The following RIMS2 variants were observed in gnomAD, a reference collection of about 807,000 sequenced individuals.
RIMS2 encodes regulating synaptic membrane exocytosis 2, also known as regulating synaptic membrane exocytosis protein 2.
RIMS2 carries 59 observed loss-of-function variants against 174.4 expected under a neutral mutation model. The ratio of observed to expected loss-of-function variants is 0.34; its 90% CI spans 0.27 to 0.42. RIMS2 has a LOEUF of 0.42. Ranked by LOEUF, RIMS2 falls within the 10% of genes least tolerant of loss-of-function variation. RIMS2 has a pLI of 1.00. For synonymous variants in RIMS2, 606 were observed against 572.5 expected (o/e 1.06, Z -0.84); for missense variants, 1,620 against 1,666.3 (o/e 0.97, Z 0.48).
rs192830679 is a variant in RIMS2 at position 103,907,627 on chromosome 8, A to C, written c.1625-2507A>C. On this transcript the variant is annotated intron_variant, in intron 4 of 23. Transcript: ENST00000504942. ...TCAGTTTGGATTCTCTTCATACCTT[A>C]TTTTACCCTCTATTTCTAAATGATC... 2.0e-3 allele frequency among the ~76,000 whole-genome samples: 303 copies of C among 151,148 alleles called. 2 individuals are homozygous for C. Among genetic ancestry groups the C allele is most frequent in the African/African-American group, 6.8e-3 (281 of 41,172 alleles).
chr8:103,789,906 C>T (rs922454479), intron 3 of RIMS2, among the ~76,000 whole-genome samples: 16 of 151,986 alleles, frequency 1.1e-4, no homozygotes, highest in African/African-American at 3.9e-4. Flanking sequence ...GTGTGTGCTA[C>T]CATGTCCAGA....
At chr8:103,573,711 A>G (rs901016277) in intron 1 of RIMS2, among the ~76,000 whole-genome samples, 1 of 152,134 alleles carries the variant, frequency 6.6e-6, no homozygotes, top group Admixed American at 6.5e-5. Context: ...TTTTGGATCC[A>G]TATGAATTTT....
intron 16 of RIMS2, among the ~76,000 whole-genome samples, chr8:103,986,321 T>G (rs2094359071): frequency 1.3e-5 from 2 of 151,876 alleles, no homozygotes; most frequent in South Asian, 4.1e-4. Flanking sequence ...ATGGAATTAA[T>G]AAAGATTAGG....
chr8:103,983,087 T>TCA (rs1321961263), intron 16 of RIMS2, among the ~76,000 whole-genome samples: 1 of 152,200 alleles, frequency 6.6e-6, no homozygotes, highest in East Asian at 1.9e-4. Context: ...CAGTAGCATT[T>TCA]CTATATGGCA....
At chr8:104,223,917 G>T (rs1296828867) in intron 19 of RIMS2, 3 of 770,340 alleles carry the variant, frequency 3.9e-6, no homozygotes, top group African/African-American at 1.8e-5. Context: ...CTCCGGGACT[G>T]TGCCGGGGGC....
intron 19 of RIMS2, among the ~76,000 whole-genome samples, chr8:104,226,212 C>G (rs1273923664): frequency 6.6e-6 from 1 of 152,172 alleles, no homozygotes; most frequent in Non-Finnish European, 1.5e-5. Context: ...GATCTACTAA[C>G]CAGTATGATT....
intron 19 of RIMS2, among the ~76,000 whole-genome samples, chr8:104,077,805 A>G (rs887655356): frequency 6.6e-6 from 1 of 151,176 alleles, no homozygotes; most frequent in African/African-American, 2.4e-5. Flanking sequence ...AGAAATTCTC[A>G]TCTATTTCTT....
At chr8:104,119,343 G>A (rs1455045115) in intron 19 of RIMS2, among the ~76,000 whole-genome samples, 1 of 151,802 alleles carries the variant, frequency 6.6e-6, no homozygotes, top group African/African-American at 2.4e-5. Context: ...TCTGGCAAGT[G>A]AGCAAGACTC....
Position 104,247,040 on chromosome 8 carries a change from G to C in RIMS2, c.3477-1661G>C, listed in dbSNP as rs1451299358. Among the ~76,000 whole-genome samples, 3 of 152,044 alleles carry C rather than the reference G, an allele frequency of 2.0e-5. No individual in the cohort carries two copies. The East Asian group carries it at 5.8e-4, about 29-fold the overall frequency. On this transcript the variant is annotated intron_variant, in intron 20 of 23. Transcript: ENST00000504942. ...GACAGCAAGGGCAGCAACAGGGAGA[G>C]CATTCACAAGGCTGCTACAGGAATA...
Position 103,953,146 on chromosome 8 carries a change from C to T in RIMS2, c.2702-7919C>T, listed in dbSNP as rs191788411. 2.6e-3 allele frequency among the ~76,000 whole-genome samples: 389 copies of T among 152,248 alleles called. 2 individuals carry two copies. The highest frequency in any genetic ancestry group is 3.7e-3 in the Non-Finnish European group (254 of 68,018). On this transcript the variant is annotated intron_variant, in intron 14 of 23. Coordinates refer to ENST00000504942, the Ensembl canonical transcript of RIMS2. The stretch of plus-strand genomic sequence containing the variant: ...GTTTGATTGGTGTACCTGAAAGTGA[C>T]GGGAGAACAGAACCAAGTTGGAAAA...
At chr8:103,693,773 CTCTGTTGTGGGCCGAT>C (rs2097061565) in intron 1 of RIMS2, among the ~76,000 whole-genome samples, 2 of 152,228 alleles carry the variant, frequency 1.3e-5, no homozygotes, top group South Asian at 4.1e-4. Flanking sequence ...ATCCTGGAGC[CTCTGTTGTGGGCCGAT>C]TCATTTGGTC....
At chr8:104,142,455 T>A (rs1566655030) in intron 19 of RIMS2, among the ~76,000 whole-genome samples, 2 of 152,132 alleles carry the variant, frequency 1.3e-5, no homozygotes, top group African/African-American at 4.8e-5. Flanking sequence ...TAAATAAGAA[T>A]GTCCAAATCC....
intron 16 of RIMS2, among the ~76,000 whole-genome samples, chr8:103,984,141 TC>T (rs2094161147): frequency 6.6e-6 from 1 of 151,368 alleles, no homozygotes; most frequent in Non-Finnish European, 1.5e-5. Flanking sequence ...GCCACTGCAC[TC>T]CAGCCTGGGC....
intron 3 of RIMS2, among the ~76,000 whole-genome samples, chr8:103,782,940 C>T (rs1003636650): frequency 6.6e-6 from 1 of 152,154 alleles, no homozygotes; most frequent in Non-Finnish European, 1.5e-5. Context: ...TGAATGACCA[C>T]AAACTTAGAG....
At chr8:103,711,275 C>T (rs2097300163) in intron 2 of RIMS2, among the ~76,000 whole-genome samples, 1 of 152,138 alleles carries the variant, frequency 6.6e-6, no homozygotes, top group Non-Finnish European at 1.5e-5. Context: ...AATGTGTTGT[C>T]CTCAGGGAGA....
At chr8:103,508,335 C>A (rs768024096) in intron 1 of RIMS2, among the ~76,000 whole-genome samples, 5 of 151,848 alleles carry the variant, frequency 3.3e-5, no homozygotes, top group African/African-American at 7.3e-5. Context: ...TGATTCAGTC[C>A]TGGGAAGATG....
intron 1 of RIMS2, among the ~76,000 whole-genome samples, chr8:103,639,722 T>C (rs75561917): frequency 0.011 from 1,744 of 152,082 alleles, 43 homozygotes; most frequent in African/African-American, 0.04. Flanking sequence ...TTCAGTTTTC[T>C]GAGATTATGA....
chr8:103,588,725 G>A (rs998423089), intron 1 of RIMS2, among the ~76,000 whole-genome samples: 4 of 151,882 alleles, frequency 2.6e-5, no homozygotes, highest in Non-Finnish European at 4.4e-5. Flanking sequence ...AATAAAACTA[G>A]ACCCCTGTGT....
intron 3 of RIMS2, among the ~76,000 whole-genome samples, chr8:103,788,731 TG>T (rs1474259788): frequency 6.6e-6 from 1 of 152,144 alleles, no homozygotes; most frequent in African/African-American, 2.4e-5. Context: ...TTTGTTTGTC[TG>T]TGCCCTGCCC....
Sources: gnomAD v4.1 joint callset for allele counts (sites outside exome capture counted in the v4.1 genomes callset) on GRCh38, gnomAD v4.1.1 for gene constraint, MANE v1.5 for transcripts, NCBI Gene and HGNC (gene_info 2026-07-23, HGNC 2026-07-21) for gene names.